ZNF222: variants seen among roughly 807,000 people sequenced by gnomAD.
ZNF222 encodes the protein zinc finger protein 222.
In ZNF222, 8 loss-of-function variants were observed where a neutral mutation model predicts 11.6. The ratio of observed to expected loss-of-function variants is 0.69; its 90% CI spans 0.41 to 1.25. The LOEUF is 1.25. ZNF222 is among the 50% of genes most tolerant of loss of function. The pLI is 0.01. For missense variants in ZNF222, 483 were observed against 576.1 expected, an observed-to-expected ratio of 0.84 and a Z score of 1.65; for synonymous variants, 171 against 195.6, an observed-to-expected ratio of 0.87 and a Z score of 1.05.
Position 44,032,760 on chromosome 19 carries a change from C to T in ZNF222, c.1206C>T (p.Thr402=), listed in dbSNP as rs1215172043. The part of the protein sequence containing the change: ...SKSGLDFHHR[T]HTGERSYNCD... Reference sequence around the variant, plus strand: ...CAGGTCTTGACTTCCACCATAGAACCCACACGGGAGAGAGATCTTATAACT... The same window carrying T: ...CAGGTCTTGACTTCCACCATAGAACTCACACGGGAGAGAGATCTTATAACT... Residue 402 remains threonine (T), a synonymous_variant, in exon 4 of 4, where the codon ACC becomes ACT. Coordinates refer to ENST00000391960, the MANE Select transcript of ZNF222 (RefSeq NM_001129996.2). 1 of 1,613,968 alleles carries T rather than the reference C, an allele frequency of 6.2e-7. No individual in the cohort carries two copies. Among genetic ancestry groups the T allele is most frequent in the African/African-American group, 1.3e-5 (1 of 74,950 alleles).
intron 3 of ZNF222, among the ~76,000 whole-genome samples, chr19:44,028,579 G>A (rs1996408): frequency 0.55 from 84,383 of 152,062 alleles, 26,062 homozygotes; most frequent in Non-Finnish European, 0.71. Context: ...GCCTGCCTGT[G>A]TTGTGTCTCA....
At position 44,025,492 on chromosome 19, in the gene ZNF222, C is replaced by T. The variant is rs1450744137; in HGVS notation, c.42+14C>T. 11 of 1,544,062 alleles carry T rather than the reference C, an allele frequency of 7.1e-6. No homozygotes were observed. Among genetic ancestry groups the T allele is most frequent in the South Asian group, 3.6e-5 (3 of 83,294 alleles). On this transcript the variant is annotated intron_variant, in intron 1 of 3. Transcript: ENST00000391960. This position sits in a 1 kb window ranked among gnomAD's most constrained non-coding sequence, Gnocchi z 4.6. ...CGGAGAGCAGAGGTTTGGAGGGGCG[C>T]GGGCGGGGATTGCCGTTCCAGTCAG... is the stretch of plus-strand genomic sequence containing the variant.
In ZNF222 at chr19:44,032,765, C is replaced by T. The variant is rs774744636; in HGVS notation, c.1211C>T (p.Thr404Met). The T allele has an allele frequency of 4.6e-5, 75 of 1,613,956 alleles. 1 individual carries two copies. The highest frequency in any genetic ancestry group is 3.3e-4 in the Middle Eastern group (2 of 6,084). Residue 404 changes from threonine (T) to methionine (M), a missense_variant, in exon 4 of 4, where the codon ACG becomes ATG. By Grantham distance (81) the Thr-to-Met change is moderately conservative. Transcript: ENST00000391960. ...SGLDFHHRTH[T>M]GERSYNCDNC... Reference sequence around the variant, plus strand: ...CTTGACTTCCACCATAGAACCCACACGGGAGAGAGATCTTATAACTGTGAT... The same window carrying T: ...CTTGACTTCCACCATAGAACCCACATGGGAGAGAGATCTTATAACTGTGAT...
At chr19:44,026,938 AC>A (rs1245409442) in intron 1 of ZNF222, 84 bp from the exon 2 acceptor site, 145 of 1,581,666 alleles carry the variant, frequency 9.2e-5, no homozygotes, top group Non-Finnish European at 1.7e-6. Context: ...ACAACTTTAC[AC>A]TTGTCCCTTG....
rs1697875854 is a variant in ZNF222 at position 44,032,814 on chromosome 19, T to C, written c.1260T>C (p.His420=). ...ATAACTGCGGGAAGAGCTTTAGACATGCTTCTAGTATTTTGAATCATAAGA... is the reference window on the plus strand; with the variant it reads ...ATAACTGCGGGAAGAGCTTTAGACACGCTTCTAGTATTTTGAATCATAAGA... The part of the protein sequence containing the change: ...NCDNCGKSFR[H]ASSILNHKKL... The change falls in exon 4 of 4, where the codon CAT becomes CAC. Residue 420 remains histidine (H), a synonymous_variant. Transcript: ENST00000391960. The C allele has an allele frequency of 1.9e-6, 3 of 1,613,808 alleles. No individual in the cohort carries two copies. The highest frequency in any genetic ancestry group is 1.7e-6 in the Non-Finnish European group (2 of 1,179,956).
At position 44,029,191 on chromosome 19, in the gene ZNF222, G is replaced by GTTTTTTTT. The variant is rs1171435860; in HGVS notation, c.262+1717_262+1724dup. Reference sequence around the variant, plus strand: ...GACAGTTGTTGGTTTGTTTTGTTTTGTTTTTTTTTTTTTTTTTTTTTTTGT... The same window carrying GTTTTTTTT: ...GACAGTTGTTGGTTTGTTTTGTTTTGTTTTTTTTTTTTTTTTTTTTTTTTTTTTTTTGT... On this transcript the variant is annotated intron_variant, in intron 3 of 3. Transcript: ENST00000391960. 3.4e-3 allele frequency among the ~76,000 whole-genome samples: 210 copies of GTTTTTTTT among 61,964 alleles called. 2 individuals carry two copies. Among genetic ancestry groups the GTTTTTTTT allele is most frequent in the East Asian group, 7.1e-3 (13 of 1,822 alleles). The allele number at this position is 61,964 out of a possible 152,430, so 40.7% of individuals were successfully genotyped here. A position where few individuals can be genotyped will look rare whatever the true frequency, so the allele number is the denominator to read the frequency against.
In ZNF222 at chr19:44,032,558, T is replaced by C. The variant is rs778795148; in HGVS notation, c.1004T>C (p.Ile335Thr). The change falls in exon 4 of 4, where the codon ATT becomes ACT. Residue 335 changes from isoleucine (I) to threonine (T), a missense_variant. Physicochemically the swap from Ile to Thr is moderately conservative, Grantham distance 89. Coordinates refer to ENST00000391960, the MANE Select transcript of ZNF222 (RefSeq NM_001129996.2). Reference protein sequence around the residue: ...YKSEKYGRGFIDRLDLHKHQM... With the variant: ...YKSEKYGRGFTDRLDLHKHQM... ...TCTGAAAAGTATGGAAGAGGTTTCA[T>C]TGATAGGCTAGATTTGCATAAGCAT... 63 of 1,614,194 alleles carry C rather than the reference T, an allele frequency of 3.9e-5. No individual in the cohort carries two copies. In the Middle Eastern group the frequency reaches 6.6e-4, roughly 17 times the overall value.
chr19:44,025,400 G>A lies in ZNF222; in HGVS notation c.-37G>A, dbSNP rs1162093298. On this transcript the variant is annotated 5_prime_UTR_variant, in exon 1 of 4. Transcript: ENST00000391960. The surrounding 1 kb of genome is among the most constrained non-coding windows in gnomAD (Gnocchi z 4.6). Reference sequence around the variant, plus strand: ...ATTTCCACATCTTGCGAGTCCTTCCGAACGAGTCTCCTTTCCTTGGGGCTC... The same window carrying A: ...ATTTCCACATCTTGCGAGTCCTTCCAAACGAGTCTCCTTTCCTTGGGGCTC... 6.8e-5 allele frequency: 106 copies of A among 1,550,880 alleles called. No homozygotes were observed. Among genetic ancestry groups the A allele is most frequent in the Non-Finnish European group, 8.9e-5 (102 of 1,146,450 alleles).
chr19:44,032,014 G>A lies in ZNF222; in HGVS notation c.460G>A (p.Glu154Lys), dbSNP rs779135601. The A allele has an allele frequency of 8.7e-6, 14 of 1,614,084 alleles. No individual in the cohort carries two copies. In the Admixed American group the frequency reaches 2.2e-4, roughly 25 times the overall value. Residue 154 changes from glutamate (E) to lysine (K), a missense_variant, in exon 4 of 4, where the codon GAA (glutamate) becomes AAA (lysine). Coordinates refer to ENST00000391960, the MANE Select transcript of ZNF222 (RefSeq NM_001129996.2). ...KARLSTVHTR[E>K]KPFQGENCKQ... Reference sequence around the variant, plus strand: ...AAGACTATCTACAGTTCACACAAGAGAAAAACCTTTCCAGGGTGAAAATTG... The same window carrying A: ...AAGACTATCTACAGTTCACACAAGAAAAAAACCTTTCCAGGGTGAAAATTG...
intron 3 of ZNF222, among the ~76,000 whole-genome samples, chr19:44,029,554 G>A (rs1210174210): frequency 6.6e-6 from 1 of 152,096 alleles, no homozygotes; most frequent in Non-Finnish European, 1.5e-5. Flanking sequence ...TATATTTATA[G>A]AGATATAGTG....
At position 44,032,360 on chromosome 19, in the gene ZNF222, A is replaced by G. The variant is rs1156626875; in HGVS notation, c.806A>G (p.Tyr269Cys). The change falls in exon 4 of 4, where the codon TAT becomes TGT. Residue 269 changes from tyrosine to cysteine, a missense_variant. Tyr to Cys is a radical substitution (Grantham distance 194). Coordinates refer to ENST00000391960, the MANE Select transcript of ZNF222 (RefSeq NM_001129996.2). ...AAATTACACATGAGAGAGAAACCTT[A>G]TAATTGTGAGAAATGTGGGAAGGCT... is the stretch of plus-strand genomic sequence containing the variant. ...HCKLHMREKP[Y>C]NCEKCGKAFM... 9 of 1,614,230 alleles carry G rather than the reference A, an allele frequency of 5.6e-6. No homozygotes were observed. Among genetic ancestry groups the G allele is most frequent in the Admixed American group, 3.3e-5 (2 of 60,028 alleles).
Position 44,032,246 on chromosome 19 carries a change from A to G in ZNF222, c.692A>G (p.His231Arg). 6.2e-7 allele frequency: 1 copy of G among 1,614,258 alleles called. No homozygotes were observed. The highest frequency in any genetic ancestry group is 8.5e-7 in the Non-Finnish European group (1 of 1,180,048). ...EFSQSSRLQTHQRVHTGEKPF... is the reference protein window; with the variant it reads ...EFSQSSRLQTRQRVHTGEKPF... ...AGTCAGAGCTCACGTCTGCAAACTC[A>G]TCAAAGAGTCCACACTGGAGAGAAA... Residue 231 changes from histidine to arginine, a missense_variant, in exon 4 of 4, where the codon CAT becomes CGT. Transcript: ENST00000391960.
chr19:44,027,612 G>A, intron 3 of ZNF222, 122 bp downstream of exon 3: 1 of 927,496 alleles, frequency 1.1e-6, no homozygotes, highest in Non-Finnish European at 1.7e-6. Context: ...CCTTCTCCCT[G>A]CTGATGCCCC....
Position 44,032,583 on chromosome 19 carries a change from T to G in ZNF222, c.1029T>G (p.His343Gln). ...GFIDRLDLHK[H>Q]QMIHMGQKPY... is the part of the protein sequence containing the mutation. ...TTGATAGGCTAGATTTGCATAAGCA[T>G]CAGATGATTCATATGGGACAGAAAC... Residue 343 changes from histidine (H) to glutamine (Q), a missense_variant, in exon 4 of 4, where the codon CAT becomes CAG. By Grantham distance (24) the His-to-Gln change is conservative (BLOSUM62 0). Transcript: ENST00000391960. 6.2e-7 allele frequency: 1 copy of G among 1,614,172 alleles called. No homozygotes were observed. The highest frequency in any genetic ancestry group is 8.5e-7 in the Non-Finnish European group (1 of 1,180,038).
chr19:44,028,916 T>C (rs911538925), intron 3 of ZNF222, among the ~76,000 whole-genome samples: 4 of 152,188 alleles, frequency 2.6e-5, no homozygotes, highest in Admixed American at 6.5e-5. Context: ...ACATGTAAAG[T>C]ATTTGTGTAT....
At position 44,032,315 on chromosome 19, in the gene ZNF222, C is replaced by G; in HGVS notation, c.761C>G (p.Ser254Ter). Residue 254 changes from serine to a stop codon, truncating the protein, a stop_gained, in exon 4 of 4, where the codon TCA becomes TGA. Transcript: ENST00000391960. LOFTEE classifies it low-confidence loss of function (END_TRUNC). ...TGTGGGAAAGGCTTCAGATGTAGATCAGCACTTAAAGTTCATTGCAAATTA... is the reference window on the plus strand; with the variant it reads ...TGTGGGAAAGGCTTCAGATGTAGATGAGCACTTAAAGTTCATTGCAAATTA... ...EQCGKGFRCR[S>*]ALKVHCKLHM... 6.2e-7 allele frequency: 1 copy of G among 1,614,092 alleles called. No homozygotes were observed. The highest frequency in any genetic ancestry group is 8.5e-7 in the Non-Finnish European group (1 of 1,180,004).
intron 2 of ZNF222, 78 bp from the exon 3 acceptor site, chr19:44,027,320 C>A: frequency 6.4e-7 from 1 of 1,555,730 alleles, no homozygotes; most frequent in Non-Finnish European, 8.9e-7. Context: ...AGTAATGGTA[C>A]ACTGCAATTA....
chr19:44,029,052 G>A (rs374739295), intron 3 of ZNF222, among the ~76,000 whole-genome samples: 1 of 151,944 alleles, frequency 6.6e-6, no homozygotes, highest in African/African-American at 2.4e-5. Flanking sequence ...AGAAATTCAA[G>A]TTTTGCTTTG....
chr19:44,031,972 C>A lies in ZNF222; in HGVS notation c.418C>A (p.Pro140Thr), dbSNP rs536962878. The part of the protein sequence containing the change: ...NSQLFEQDDN[P>T]SQIKARLSTV... ...TCAGTTATTTGAACAAGATGACAAC[C>A]CCTCCCAGATTAAAGCAAGACTATC... is the stretch of plus-strand genomic sequence containing the variant. Residue 140 changes from proline to threonine, a missense_variant, in exon 4 of 4, where the codon CCC (proline) becomes ACC (threonine). Physicochemically the swap from Pro to Thr is conservative, Grantham distance 38. Transcript: ENST00000391960. The A allele has an allele frequency of 2.5e-5, 41 of 1,614,126 alleles. 1 individual carries two copies. The South Asian group carries it at 3.8e-4, about 15-fold the overall frequency.
Sources: allele counts gnomAD v4.1 joint callset (sites outside exome capture counted in the v4.1 genomes callset), GRCh38; gene constraint gnomAD v4.1.1; non-coding constraint Gnocchi (gnomAD v3.1); transcripts MANE v1.5; gene names NCBI Gene and HGNC (gene_info 2026-07-23, HGNC 2026-07-21).